CELF2: variants seen among roughly 807,000 people sequenced by gnomAD.
CELF2 encodes the protein CUGBP Elav-like family member 2, also known as CUG triplet repeat RNA-binding protein 2.
CELF2 carries 8 observed loss-of-function variants against 62.6 expected under a neutral mutation model. The observed-to-expected ratio is 0.13, with a 90% CI of 0.07 to 0.23. The LOEUF (loss-of-function observed/expected upper bound fraction) is 0.23. Ranked by LOEUF, CELF2 falls within the 10% of genes least tolerant of loss-of-function variation. The pLI is 1.00. For synonymous variants in CELF2, 258 were observed against 250.0 expected (o/e 1.03, Z -0.30); for missense variants, 333 against 671.0 (o/e 0.50, Z 5.56).
Position 11,249,003 on chromosome 10 carries a change from A to G in CELF2, c.355-150A>G. The G allele has an allele frequency of 7.9e-6, 5 of 629,484 alleles. No homozygotes were observed. In the South Asian group the frequency reaches 8.0e-5, roughly 10 times the overall value. 39.0% of individuals were successfully genotyped at this position (629,484 alleles called of 1,614,324 possible). A position where few individuals can be genotyped will look rare whatever the true frequency, so the allele number is the denominator to read the frequency against. ...ATTCCCGAACAGAAAATACAGGCTTACTTTTTAACATAGTTAATAGTACCT... is the reference window on the plus strand; with the variant it reads ...ATTCCCGAACAGAAAATACAGGCTTGCTTTTTAACATAGTTAATAGTACCT... On this transcript the variant is annotated intron_variant, in intron 3 of 12. Transcript: ENST00000633077.
At chr10:10,491,163 G>T in the CELF2 span, among the ~76,000 whole-genome samples, 1 of 152,164 alleles carries the variant, frequency 6.6e-6, no homozygotes, top group Non-Finnish European at 1.5e-5. Context: ...ACTTGGCAAA[G>T]AGGTTTCCCT....
chr10:10,939,105 TCACC>T (rs1334371700), intron 2 of CELF2, among the ~76,000 whole-genome samples: 2,350 of 150,114 alleles, frequency 0.016, 49 homozygotes, highest in African/African-American at 0.055. Flanking sequence ...TGTAACCCCA[TCACC>T]TAGGCTGTAG....
chr10:10,693,990 G>A, the CELF2 span, among the ~76,000 whole-genome samples: 600 of 151,062 alleles, frequency 4.0e-3, 6 homozygotes, highest in Admixed American at 0.011. Context: ...TTTTTGAAGG[G>A]TTTTTTGTGT....
intron 2 of CELF2, among the ~76,000 whole-genome samples, chr10:10,956,590 T>G (rs2048922184): frequency 6.6e-6 from 1 of 152,160 alleles, no homozygotes; most frequent in African/African-American, 2.4e-5. Context: ...TAGACAGGTC[T>G]TTGAGGTGAT....
chr10:10,467,779 G>C, the CELF2 span, among the ~76,000 whole-genome samples: 1 of 151,924 alleles, frequency 6.6e-6, no homozygotes, highest in Non-Finnish European at 1.5e-5. Flanking sequence ...TTGGTACATA[G>C]GTATTTCACT....
chr10:10,511,184 C>G, the CELF2 span, among the ~76,000 whole-genome samples: 1 of 152,098 alleles, frequency 6.6e-6, no homozygotes, highest in Non-Finnish European at 1.5e-5. Flanking sequence ...CCAAGGTGGA[C>G]AGATCACCTG....
the CELF2 span, among the ~76,000 whole-genome samples, chr10:10,747,419 T>C: frequency 6.6e-6 from 1 of 152,094 alleles, no homozygotes; most frequent in Non-Finnish European, 1.5e-5. Flanking sequence ...CACTTGCAAA[T>C]TGTGGCAAGT....
intron 1 of CELF2, among the ~76,000 whole-genome samples, chr10:10,849,779 G>A (rs1021804927): frequency 3.3e-5 from 5 of 151,908 alleles, no homozygotes; most frequent in Non-Finnish European, 4.4e-5. Context: ...CTTTGTGCAC[G>A]TGTATGTGTA....
the CELF2 span, among the ~76,000 whole-genome samples, chr10:10,592,548 T>C: frequency 6.6e-6 from 1 of 152,190 alleles, no homozygotes. Flanking sequence ...CACGACTTCC[T>C]TTGACTAAAA....
Position 11,156,185 on chromosome 10 carries a change from G to A in CELF2, c.75-9301G>A, listed in dbSNP as rs591235. Among the ~76,000 whole-genome samples, 62,042 of 151,946 alleles carry A rather than the reference G, an allele frequency of 0.41. 13,495 individuals are homozygous for A. The highest frequency in any genetic ancestry group is 0.82 in the East Asian group (4,235 of 5,176). ...GGACAAGTGGACCCAGCGGGCATTT[G>A]GAGAAAAATAGGCATGACTCAGTAA... On this transcript the variant is annotated intron_variant, in intron 1 of 12. Coordinates refer to ENST00000633077, the MANE Select transcript of CELF2 (RefSeq NM_001326342.2). The surrounding 1 kb of genome is among the most constrained non-coding windows in gnomAD (Gnocchi z 4.3).
Position 10,841,605 on chromosome 10 carries a change from C to T in CELF2, c.53+42788C>T, listed in dbSNP as rs80236390. ...TTTGTCTATATTTGGGCTTTCTATT[C>T]TGATACATTGATCTTTATGTCTATT... On this transcript the variant is annotated intron_variant, in intron 1 of 13. Transcript: ENST00000636488. 6.4e-3 allele frequency among the ~76,000 whole-genome samples: 962 copies of T among 150,392 alleles called. 8 individuals are homozygous for T. Among genetic ancestry groups the T allele is most frequent in the African/African-American group, 0.023 (929 of 40,936 alleles).
chr10:11,329,500 C>A lies in CELF2; in HGVS notation c.*447C>A, dbSNP rs113705140. Reference sequence around the variant, plus strand: ...CCTGGAGAATTCACCCCTCCTTGCCCGGCGCCCGCCCCCGGAGGGAGGGCC... The same window carrying A: ...CCTGGAGAATTCACCCCTCCTTGCCAGGCGCCCGCCCCCGGAGGGAGGGCC... On this transcript the variant is annotated 3_prime_UTR_variant, in exon 13 of 13. Transcript: ENST00000633077. This position sits in a 1 kb window ranked among gnomAD's most constrained non-coding sequence, Gnocchi z 5.5. 6.5e-6 allele frequency: 1 copy of A among 152,724 alleles called. No individual in the cohort carries two copies. Among genetic ancestry groups the A allele is most frequent in the African/African-American group, 2.4e-5 (1 of 41,464 alleles). 9.5% of individuals were successfully genotyped at this position (152,724 alleles called of 1,614,324 possible).
the CELF2 span, among the ~76,000 whole-genome samples, chr10:10,698,351 G>T: frequency 6.6e-6 from 1 of 152,122 alleles, no homozygotes; most frequent in African/African-American, 2.4e-5. Context: ...TTTGATCTCC[G>T]CTTTGATTCC....
chr10:10,803,523 C>G (rs1361060191), intron 1 of CELF2, among the ~76,000 whole-genome samples: 2 of 152,174 alleles, frequency 1.3e-5, no homozygotes, highest in Non-Finnish European at 2.9e-5. Flanking sequence ...GCCTTAGCTC[C>G]CATGTCATCT....
the CELF2 span, among the ~76,000 whole-genome samples, chr10:10,476,991 T>C: frequency 7.2e-5 from 11 of 152,324 alleles, no homozygotes; most frequent in Admixed American, 5.9e-4. Flanking sequence ...ATTATTCTTA[T>C]GTAAAAAAAA....
At chr10:10,565,138 G>A in the CELF2 span, among the ~76,000 whole-genome samples, 1 of 152,206 alleles carries the variant, frequency 6.6e-6, no homozygotes, top group Non-Finnish European at 1.5e-5. Flanking sequence ...TCGGGTTCGA[G>A]AGAAGGTAGG....
rs1217969808 is a variant in CELF2, at chr10:11,267,673, TA to T, written c.618+997del. Among the ~76,000 whole-genome samples the T allele has an allele frequency of 1.3e-5, 2 of 152,216 alleles. No homozygotes were observed. The highest frequency in any genetic ancestry group is 2.4e-5 in the African/African-American group (1 of 41,454). The stretch of plus-strand genomic sequence containing the variant: ...TTTTCCCCCCATTTTGTTGGGGTTT[TA>T]TTTTTTTGTTTGTTTGTTTTTGTTT... On this transcript the variant is annotated intron_variant, in intron 6 of 12. Coordinates refer to ENST00000633077, the MANE Select transcript of CELF2 (RefSeq NM_001326342.2). The surrounding 1 kb of genome is among the most constrained non-coding windows in gnomAD (Gnocchi z 4.4).
chr10:10,959,417 TTAATG>T (rs1473495459), intron 2 of CELF2, among the ~76,000 whole-genome samples: 1 of 152,238 alleles, frequency 6.6e-6, no homozygotes, highest in African/African-American at 2.4e-5. Flanking sequence ...TGTACTCCCT[TTAATG>T]ACAGACTGAT....
chr10:10,768,826 G>A, the CELF2 span, among the ~76,000 whole-genome samples: 15 of 152,000 alleles, frequency 9.9e-5, no homozygotes, highest in African/African-American at 3.1e-4. Context: ...CACCCACCTC[G>A]GCCTCCCAAA....
Sources: allele counts gnomAD v4.1 joint callset (sites outside exome capture counted in the v4.1 genomes callset), GRCh38; gene constraint gnomAD v4.1.1; non-coding constraint Gnocchi (gnomAD v3.1); transcripts MANE v1.5; gene names NCBI Gene and HGNC (gene_info 2026-07-23, HGNC 2026-07-21).